Variants in SEC14L1 observed in about 807,000 individuals in gnomAD.
SEC14L1 encodes the protein SEC14-like protein 1.
Under a neutral mutation model 85.3 loss-of-function variants are expected in SEC14L1, and 48 were observed. That is an observed-to-expected ratio of 0.56 (90% CI 0.45 to 0.72). SEC14L1 has a LOEUF of 0.72. Ranked by LOEUF, SEC14L1 falls within the 30% of genes least tolerant of loss-of-function variation. The probability of loss-of-function intolerance (pLI) is 0.00; values close to 1 mark genes in which losing one functional copy is unlikely to be tolerated. For missense variants in SEC14L1, 682 were observed against 921.4 expected, an observed-to-expected ratio of 0.74 and a Z score of 3.36; for synonymous variants, 391 against 355.5, an observed-to-expected ratio of 1.10 and a Z score of -1.12.
At chr17:77,187,732 C>G (rs1043573676) in intron 3 of SEC14L1, among the ~76,000 whole-genome samples, 21 of 143,248 alleles carry the variant, frequency 1.5e-4, no homozygotes, top group African/African-American at 5.6e-4. Flanking sequence ...CCATGGGCTA[C>G]TGGAATTTTT....
In SEC14L1 at chr17:77,193,583, G is replaced by T. The variant is rs529763032; in HGVS notation, c.474+34G>T. On this transcript the variant is annotated intron_variant, in intron 6 of 16. Coordinates refer to ENST00000436233, the MANE Select transcript of SEC14L1 (RefSeq NM_001143998.2). ...ATCTTGGGATTTTGTGGCAGAGGGTGGGCAGGAGTCTCTGAGATGACCATC... is the reference window on the plus strand; with the variant it reads ...ATCTTGGGATTTTGTGGCAGAGGGTTGGCAGGAGTCTCTGAGATGACCATC... 9 of 1,590,994 alleles carry T rather than the reference G, an allele frequency of 5.7e-6. No individual in the cohort carries two copies. The African/African-American group carries it at 6.7e-5, about 12-fold the overall frequency.
At position 77,164,009 on chromosome 17, in the gene SEC14L1, A is replaced by G. The variant is rs530972158; in HGVS notation, c.63+20350A>G. ...TTGCAAAATACTTAAAGAACATATAACAGGTCTAAGAACAACATTTAGAGA... is the reference window on the plus strand; with the variant it reads ...TTGCAAAATACTTAAAGAACATATAGCAGGTCTAAGAACAACATTTAGAGA... On this transcript the variant is annotated intron_variant, in intron 3 of 16. Coordinates refer to ENST00000436233, the MANE Select transcript of SEC14L1 (RefSeq NM_001143998.2). Among the ~76,000 whole-genome samples the G allele has an allele frequency of 6.7e-4, 102 of 152,334 alleles. 1 individual carries two copies. The highest frequency in any genetic ancestry group is 2.3e-3 in the African/African-American group (97 of 41,578).
chr17:77,089,505 A>G (rs141465421), intron 2 of SEC14L1: 110 of 512,946 alleles, frequency 2.1e-4, no homozygotes, highest in African/African-American at 1.6e-3. Context: ...CTACGTTTAA[A>G]GAAAATGGTT....
chr17:77,215,155 TGAAG>T lies in SEC14L1; in HGVS notation c.*1136_*1139del. On this transcript the variant is annotated 3_prime_UTR_variant, in exon 17 of 17. Transcript: ENST00000436233. ...GTGAGTGGAAACTTAGTTTGAGTAA[TGAAG>T]GAATCTTCACAGAAGCAAATCAGAA... 4.1e-6 allele frequency: 4 copies of T among 985,462 alleles called. No individual in the cohort carries two copies. 61.0% of individuals were successfully genotyped at this position (985,462 alleles called of 1,614,324 possible).
intron 3 of SEC14L1, among the ~76,000 whole-genome samples, chr17:77,154,558 T>G (rs1401618541): frequency 1.3e-5 from 2 of 152,110 alleles, no homozygotes; most frequent in African/African-American, 4.8e-5. Context: ...CCACAGGTTT[T>G]GGGATTGGAG....
intron 3 of SEC14L1, among the ~76,000 whole-genome samples, chr17:77,149,576 A>G (rs912325971): frequency 1.3e-5 from 2 of 152,188 alleles, no homozygotes; most frequent in Non-Finnish European, 2.9e-5. Flanking sequence ...GTGTGTGCCT[A>G]TAGTCCTAGC....
At chr17:77,198,348 A>G (rs1975920344) in intron 8 of SEC14L1, among the ~76,000 whole-genome samples, 1 of 152,214 alleles carries the variant, frequency 6.6e-6, no homozygotes, top group African/African-American at 2.4e-5. Context: ...AATCTCCAAT[A>G]GGCTTTAAGA....
chr17:77,091,173 C>G (rs1324529904), intron 2 of SEC14L1, among the ~76,000 whole-genome samples: 1 of 152,052 alleles, frequency 6.6e-6, no homozygotes, highest in African/African-American at 2.4e-5. Flanking sequence ...CTGCAACCTC[C>G]ACCTCCCAGA....
chr17:77,195,036 C>T (rs759030787), intron 7 of SEC14L1, 125 bp downstream of exon 7: 15 of 677,754 alleles, frequency 2.2e-5, no homozygotes, highest in East Asian at 2.2e-4. Context: ...AGGAAAGACC[C>T]GTCTCTCGTT....
At chr17:77,096,260 G>A (rs1240645692) in intron 3 of SEC14L1, among the ~76,000 whole-genome samples, 3 of 151,658 alleles carry the variant, frequency 2.0e-5, no homozygotes, top group Non-Finnish European at 2.9e-5. Context: ...TTGTATTTAA[G>A]GTTAAAAATC....
Position 77,216,056 on chromosome 17 carries a change from CTA to C in SEC14L1, c.*2034_*2035del, listed in dbSNP as rs1977043429. On this transcript the variant is annotated 3_prime_UTR_variant, in exon 17 of 17. Coordinates refer to ENST00000436233, the MANE Select transcript of SEC14L1 (RefSeq NM_001143998.2). ...TAGTAGGTAGGGTTAGTAGGTAGGG[CTA>C]GTAGGTAGGGCTAGTAGGTAGGGTT... 1.1e-6 allele frequency: 1 copy of C among 915,720 alleles called. No individual in the cohort carries two copies. Among genetic ancestry groups the C allele is most frequent in the African/African-American group, 2.8e-5 (1 of 35,630 alleles). 56.7% of individuals were successfully genotyped at this position (915,720 alleles called of 1,614,324 possible).
Position 77,213,758 on chromosome 17 carries a change from C to T in SEC14L1, c.2043-160C>T, listed in dbSNP as rs147873073. Reference sequence around the variant, plus strand: ...CGTGCAGGCTGTGGGAAGCCGGTCCCCCTGGTGGGTTACTCATGTCCATCC... The same window carrying T: ...CGTGCAGGCTGTGGGAAGCCGGTCCTCCTGGTGGGTTACTCATGTCCATCC... On this transcript the variant is annotated intron_variant, in intron 16 of 16. Transcript: ENST00000436233. The surrounding 1 kb of genome is among the most constrained non-coding windows in gnomAD (Gnocchi z 7.1). 199 of 991,856 alleles carry T rather than the reference C, an allele frequency of 2.0e-4. No homozygotes were observed. Among genetic ancestry groups the T allele is most frequent in the Middle Eastern group, 1.0e-3 (5 of 4,936 alleles). 61.4% of individuals were successfully genotyped at this position (991,856 alleles called of 1,614,324 possible).
intron 13 of SEC14L1, among the ~76,000 whole-genome samples, chr17:77,207,456 T>G (rs1009738730): frequency 4.0e-5 from 6 of 151,848 alleles, no homozygotes; most frequent in African/African-American, 1.5e-4. Flanking sequence ...TTTTTGGTTT[T>G]TTTTTTTCTT....
Position 77,206,979 on chromosome 17 carries a change from T to A in SEC14L1, c.1476+117T>A. ...AGTTGTTTGGATGTTTTGTTTTTGT[T>A]TTGTTTCTTTTGGCCGCCATTTCTC... On this transcript the variant is annotated intron_variant, in intron 13 of 16. Transcript: ENST00000436233. The surrounding 1 kb of genome is among the most constrained non-coding windows in gnomAD (Gnocchi z 4.3). 1 of 1,142,070 alleles carries A rather than the reference T, an allele frequency of 8.8e-7. No individual in the cohort carries two copies. Among genetic ancestry groups the A allele is most frequent in the Non-Finnish European group, 1.2e-6 (1 of 829,558 alleles). The allele number at this position is 1,142,070 out of a possible 1,614,324, so 70.7% of individuals were successfully genotyped here.
chr17:77,146,002 A>C (rs1443629554), intron 3 of SEC14L1, among the ~76,000 whole-genome samples: 1 of 152,212 alleles, frequency 6.6e-6, no homozygotes, highest in South Asian at 2.1e-4. Context: ...TTCAGTTTCT[A>C]AGTGACCAAT....
At chr17:77,118,888 A>T (rs1972236265) in intron 3 of SEC14L1, among the ~76,000 whole-genome samples, 1 of 152,130 alleles carries the variant, frequency 6.6e-6, no homozygotes, top group Non-Finnish European at 1.5e-5. Context: ...ACTTTCCAGA[A>T]ACCATCCCAC....
chr17:77,126,306 C>T (rs1485214553), intron 3 of SEC14L1, among the ~76,000 whole-genome samples: 2 of 152,212 alleles, frequency 1.3e-5, no homozygotes, highest in African/African-American at 4.8e-5. Context: ...CATCGTGATG[C>T]TTGTGAAGTG....
intron 3 of SEC14L1, among the ~76,000 whole-genome samples, chr17:77,161,712 CTTTTTTTTTTTTT>C (rs763767954): frequency 6.6e-4 from 68 of 103,056 alleles, no homozygotes; most frequent in African/African-American, 2.3e-3. Flanking sequence ...TAAATTGGTT[CTTTTTTTTTTTTT>C]TTTTTTTTTT....
intron 3 of SEC14L1, among the ~76,000 whole-genome samples, chr17:77,186,377 G>A (rs752554102): frequency 1.3e-5 from 2 of 152,202 alleles, no homozygotes; most frequent in Non-Finnish European, 2.9e-5. Context: ...ACCCTGGCAC[G>A]CTTTGAGGCC....
Sources: gnomAD v4.1 joint callset for allele counts (sites outside exome capture counted in the v4.1 genomes callset) on GRCh38, gnomAD v4.1.1 for gene constraint, Gnocchi (gnomAD v3.1) non-coding constraint, MANE v1.5 for transcripts, NCBI Gene and HGNC (gene_info 2026-07-23, HGNC 2026-07-21) for gene names.